The following TRIM23 variants were observed in gnomAD, a reference collection of about 807,000 sequenced individuals.
TRIM23 encodes the protein E3 ubiquitin-protein ligase TRIM23.
A neutral mutation model predicts 71.0 loss-of-function variants in TRIM23; 27 were observed. That is an observed-to-expected ratio of 0.38 (90% CI 0.28 to 0.52). TRIM23 has a LOEUF of 0.52. Ranked by LOEUF, TRIM23 falls within the 20% of genes least tolerant of loss-of-function variation. The pLI, the probability that TRIM23 is intolerant of heterozygous loss-of-function variation, is 0.84. For missense variants in TRIM23, 482 were observed against 692.3 expected (o/e 0.70, Z 3.41); for synonymous variants, 234 against 238.0 (o/e 0.98, Z 0.16).
chr5:65,597,222 GA>G (rs1754231682), intron 7 of TRIM23, 42 bp from the exon 8 acceptor site: 6 of 1,592,296 alleles, frequency 3.8e-6, no homozygotes, highest in Non-Finnish European at 5.2e-6. Context: ...CATGCAGTTA[GA>G]AAGTAATAGC....
rs528724354 is a variant in TRIM23, at chr5:65,601,039, T to C, written c.1180-3859A>G. Among the ~76,000 whole-genome samples the C allele has an allele frequency of 1.2e-4, 19 of 152,300 alleles. No individual in the cohort carries two copies. The South Asian group carries it at 3.9e-3, about 32-fold the overall frequency. ...AAACTGCACCCTTGTGCACCACTGG[T>C]GGAACTGTAATATGGTGCAACCATT... On this transcript the variant is annotated intron_variant, in intron 7 of 10. Coordinates refer to ENST00000231524, the MANE Select transcript of TRIM23 (RefSeq NM_001656.4).
chr5:65,616,435 A>G (rs976345757), intron 2 of TRIM23, among the ~76,000 whole-genome samples: 3 of 151,948 alleles, frequency 2.0e-5, no homozygotes, highest in Non-Finnish European at 2.9e-5. Flanking sequence ...TGAGGTCAGG[A>G]GTTCGAGACC....
chr5:65,599,051 C>A (rs1403837773), intron 7 of TRIM23, among the ~76,000 whole-genome samples: 1 of 151,988 alleles, frequency 6.6e-6, no homozygotes, highest in Non-Finnish European at 1.5e-5. Context: ...AGATAAAGAA[C>A]AAGAAGATGC....
In TRIM23 at chr5:65,624,322, AGAGGCG is replaced by A. The variant is rs1464749436; in HGVS notation, c.-54_-49del. The A allele has an allele frequency of 1.9e-6, 3 of 1,601,994 alleles. No homozygotes were observed. Among genetic ancestry groups the A allele is most frequent in the Middle Eastern group, 1.6e-4 (1 of 6,074 alleles). On this transcript the variant is annotated 5_prime_UTR_variant, in exon 1 of 11. Coordinates refer to ENST00000231524, the MANE Select transcript of TRIM23 (RefSeq NM_001656.4). ...AAACAGCCTTCAGAGTCCTCAACTG[AGAGGCG>A]GGGTTGAGCCACCTACCCAGAGGCC...
rs777503087 is a variant in TRIM23, at chr5:65,591,749, A to G, written c.*20T>C. The G allele has an allele frequency of 1.3e-5, 21 of 1,586,374 alleles. No homozygotes were observed. Among genetic ancestry groups the G allele is most frequent in the Non-Finnish European group, 6.0e-6 (7 of 1,165,364 alleles). ...AGTTACTTTTAACCACAAAACTTCA[A>G]ACAACTGCTGCCTTTAAAATCAAGC... On this transcript the variant is annotated 3_prime_UTR_variant, in exon 11 of 11. Coordinates refer to ENST00000231524, the MANE Select transcript of TRIM23 (RefSeq NM_001656.4).
At position 65,591,530 on chromosome 5, in the gene TRIM23, G is replaced by C. The variant is rs768147461; in HGVS notation, c.*239C>G. ...TAAATAACAAATATACTTTTTAAAA[G>C]AATGTATATTCAATAAGTTTCTATT... On this transcript the variant is annotated 3_prime_UTR_variant, in exon 11 of 11. Transcript: ENST00000231524. 11 of 1,485,864 alleles carry C rather than the reference G, an allele frequency of 7.4e-6. No individual in the cohort carries two copies. In the East Asian group the frequency reaches 2.2e-4, roughly 30 times the overall value. 92.0% of individuals were successfully genotyped at this position (1,485,864 alleles called of 1,614,324 possible).
Position 65,610,897 on chromosome 5 carries a change from G to T in TRIM23, c.792C>A (p.Ile264=). Residue 264 remains isoleucine (I), a synonymous_variant, in exon 5 of 11, where the codon ATC becomes ATA. Coordinates refer to ENST00000231524, the MANE Select transcript of TRIM23 (RefSeq NM_001656.4). The part of the protein sequence containing the change: ...IVQHIEGGEQ[I]VEDGIGMAHT... Reference sequence around the variant, plus strand: ...GAGCCATTCCAATTCCATCTTCCACGATTTGTTCTCCTCCTTCAATGTGCT... The same window carrying T: ...GAGCCATTCCAATTCCATCTTCCACTATTTGTTCTCCTCCTTCAATGTGCT... The T allele has an allele frequency of 6.2e-7, 1 of 1,611,602 alleles. No individual in the cohort carries two copies. Among genetic ancestry groups the T allele is most frequent in the Non-Finnish European group, 8.5e-7 (1 of 1,179,266 alleles).
Position 65,591,656 on chromosome 5 carries a change from T to TATATATAC in TRIM23, c.*112_*113insGTATATAT. 26 of 944,890 alleles carry TATATATAC rather than the reference T, an allele frequency of 2.8e-5. No individual in the cohort carries two copies. Among genetic ancestry groups the TATATATAC allele is most frequent in the Non-Finnish European group, 3.7e-5 (26 of 710,294 alleles). 58.5% of individuals were successfully genotyped at this position (944,890 alleles called of 1,614,324 possible). On this transcript the variant is annotated 3_prime_UTR_variant, in exon 11 of 11. Coordinates refer to ENST00000231524, the MANE Select transcript of TRIM23 (RefSeq NM_001656.4). ...AATCCAAGATTCCTTTATATATATA[T>TATATATAC]ATATATATATGCATCCTAAATTACC...
chr5:65,604,922 T>G lies in TRIM23; in HGVS notation c.1168A>C (p.Thr390Pro). The change falls in exon 7 of 11, where the codon ACT becomes CCT. Residue 390 changes from threonine (T) to proline (P), a missense_variant. Physicochemically the swap from Thr to Pro is conservative, Grantham distance 38. Transcript: ENST00000231524. The stretch of plus-strand genomic sequence containing the variant: ...GTACAGTACATTACCTTTGTAAAAG[T>G]GACAGGGATGCTGGCATCCAACTGA... Reference protein sequence around the residue: ...HIQLDASIPVTFTKDNRVHIG... With the variant: ...HIQLDASIPVPFTKDNRVHIG... 1 of 1,613,086 alleles carries G rather than the reference T, an allele frequency of 6.2e-7. No individual in the cohort carries two copies. Among genetic ancestry groups the G allele is most frequent in the Non-Finnish European group, 8.5e-7 (1 of 1,179,684 alleles).
chr5:65,591,688 T>G lies in TRIM23; in HGVS notation c.*81A>C. On this transcript the variant is annotated 3_prime_UTR_variant, in exon 11 of 11. Coordinates refer to ENST00000231524, the MANE Select transcript of TRIM23 (RefSeq NM_001656.4). The stretch of plus-strand genomic sequence containing the variant: ...ATATGCATCCTAAATTACCATCTTT[T>G]GAGATGTATAATTTCTTAAAACATA... The G allele has an allele frequency of 7.7e-7, 1 of 1,302,592 alleles. No homozygotes were observed. The highest frequency in any genetic ancestry group is 1.0e-6 in the Non-Finnish European group (1 of 985,806). 80.7% of individuals were successfully genotyped at this position (1,302,592 alleles called of 1,614,324 possible).
In TRIM23 at chr5:65,591,758, T is replaced by C; in HGVS notation, c.*11A>G. On this transcript the variant is annotated 3_prime_UTR_variant, in exon 11 of 11. Transcript: ENST00000231524. ...TAACCACAAAACTTCAAACAACTGC[T>C]GCCTTTAAAATCAAGCAACATCCAA... is the stretch of plus-strand genomic sequence containing the variant. 1 of 1,598,148 alleles carries C rather than the reference T, an allele frequency of 6.3e-7. No homozygotes were observed. Among genetic ancestry groups the C allele is most frequent in the Non-Finnish European group, 8.5e-7 (1 of 1,170,484 alleles).
rs1049685621 is a variant in TRIM23, at chr5:65,597,241, A to G, written c.1180-61T>C. On this transcript the variant is annotated intron_variant, in intron 7 of 10. Transcript: ENST00000231524. ...CAGTTAGAAAGTAATAGCATTTAGC[A>G]CCTTTATTATTTCTACATCTCCTAT... 19 of 1,535,422 alleles carry G rather than the reference A, an allele frequency of 1.2e-5. No individual in the cohort carries two copies. In the Admixed American group the frequency reaches 1.9e-4, roughly 15 times the overall value.
chr5:65,613,798 C>A, intron 3 of TRIM23: 1 of 1,299,512 alleles, frequency 7.7e-7, no homozygotes, highest in Non-Finnish European at 1.0e-6. Flanking sequence ...CTGTTGCTTA[C>A]ATATCTTTCT....
chr5:65,592,216 T>C (rs1188272617), intron 10 of TRIM23, among the ~76,000 whole-genome samples: 1 of 152,130 alleles, frequency 6.6e-6, no homozygotes, highest in African/African-American at 2.4e-5. Context: ...AAAGGAAACA[T>C]ACTGCCTAAG....
chr5:65,600,642 C>CAAAAAAAAAAAAAAAAAAAA (rs1754337762), intron 7 of TRIM23, among the ~76,000 whole-genome samples: 1 of 117,942 alleles, frequency 8.5e-6, no homozygotes, highest in Non-Finnish European at 1.8e-5. Context: ...AAAAAAAAAG[C>CAAAAAAAAAAAAAAAAAAAA]AAAAATAGAC....
intron 1 of TRIM23, 46 bp downstream of exon 1, chr5:65,624,148 C>G (rs543769255): frequency 6.2e-7 from 1 of 1,612,056 alleles, no homozygotes; most frequent in East Asian, 2.2e-5. Flanking sequence ...CAGGATGAAC[C>G]GAAGGGAGGC....
intron 2 of TRIM23, 103 bp from the exon 3 acceptor site, chr5:65,614,322 T>C: frequency 6.3e-6 from 7 of 1,112,768 alleles, no homozygotes; most frequent in Admixed American, 2.4e-5. Context: ...GTAGTTAATG[T>C]CTAAATTTTT....
chr5:65,623,062 G>C (rs1023432830), intron 1 of TRIM23, among the ~76,000 whole-genome samples: 2 of 152,050 alleles, frequency 1.3e-5, no homozygotes, highest in Non-Finnish European at 1.5e-5. Flanking sequence ...AACTTCATTA[G>C]TACCTAAAGG....
intron 6 of TRIM23, among the ~76,000 whole-genome samples, chr5:65,608,862 GA>G (rs958837477): frequency 3.6e-4 from 53 of 148,874 alleles, no homozygotes; most frequent in Non-Finnish European, 6.5e-4. Context: ...AAGCTTCAAA[GA>G]AAGGCAAATA....
Sources: gnomAD v4.1 joint callset for allele counts (sites outside exome capture counted in the v4.1 genomes callset) on GRCh38, gnomAD v4.1.1 for gene constraint, MANE v1.5 for transcripts, NCBI Gene and HGNC (gene_info 2026-07-23, HGNC 2026-07-21) for gene names.